Variants in TTC34 observed in about 807,000 individuals in gnomAD.
TTC34 encodes the protein tetratricopeptide repeat domain 34.
In TTC34, 44 loss-of-function variants were observed where a neutral mutation model predicts 40.7. The observed-to-expected ratio is 1.08, with a 90% CI of 0.85 to 1.39. The LOEUF (loss-of-function observed/expected upper bound fraction) is 1.39, where lower values mean the gene tolerates loss of function less well. TTC34 is among the 40% of genes most tolerant of loss of function. The pLI is 0.00. For synonymous variants in TTC34, 422 were observed against 398.6 expected, an observed-to-expected ratio of 1.06 and a Z score of -0.70; for missense variants, 884 against 838.0, an observed-to-expected ratio of 1.05 and a Z score of -0.68.
At chr1:2,660,746 C>G (rs1639520091) in intron 6 of TTC34, among the ~76,000 whole-genome samples, 1 of 126,280 alleles carries the variant, frequency 7.9e-6, no homozygotes, top group African/African-American at 3.2e-5. Context: ...GAGCAGCACC[C>G]CACACCCACA....
intron 6 of TTC34, among the ~76,000 whole-genome samples, chr1:2,676,958 G>C (rs61761452): frequency 8.6e-6 from 1 of 116,568 alleles, no homozygotes; most frequent in Non-Finnish European, 2.0e-5. Flanking sequence ...GCATGGAACA[G>C]CACCCTGCAC....
chr1:2,779,767 A>G (rs561803285), intron 6 of TTC34, among the ~76,000 whole-genome samples: 1 of 152,294 alleles, frequency 6.6e-6, no homozygotes, highest in South Asian at 2.1e-4. Context: ...TAAAAACTTC[A>G]TAGTAGCCAT....
At chr1:2,753,327 C>A (rs1421673282) in intron 6 of TTC34, among the ~76,000 whole-genome samples, 1 of 108,350 alleles carries the variant, frequency 9.2e-6, no homozygotes, top group African/African-American at 4.6e-5. Flanking sequence ...CCTGGAGCAT[C>A]ACCCACACCC....
chr1:2,750,141 A>G (rs1641267333), intron 6 of TTC34, among the ~76,000 whole-genome samples: 2 of 149,636 alleles, frequency 1.3e-5, no homozygotes, highest in Admixed American at 6.6e-5. Context: ...TGAGCATCCG[A>G]CAGCGTGGAG....
intron 6 of TTC34, among the ~76,000 whole-genome samples, chr1:2,756,135 A>G (rs1378970183): frequency 1.7e-5 from 1 of 58,014 alleles, no homozygotes; most frequent in Non-Finnish European, 2.8e-5. Flanking sequence ...AGCATGGAAC[A>G]GCACCCATAC....
At chr1:2,751,394 G>C (rs1641314265) in intron 6 of TTC34, among the ~76,000 whole-genome samples, 1 of 147,116 alleles carries the variant, frequency 6.8e-6, no homozygotes, top group Non-Finnish European at 1.5e-5. Flanking sequence ...ATGGTCTGGA[G>C]CAGCACCCAC....
At chr1:2,787,248 G>T (rs558233109) in intron 4 of TTC34, among the ~76,000 whole-genome samples, 2 of 152,314 alleles carry the variant, frequency 1.3e-5, no homozygotes, top group Non-Finnish European at 2.9e-5. Context: ...TGCCGGCCCC[G>T]GGGACCTGCC....
At chr1:2,682,101 C>A (rs1570801172) in intron 6 of TTC34, among the ~76,000 whole-genome samples, 1 of 145,878 alleles carries the variant, frequency 6.9e-6, no homozygotes, top group Non-Finnish European at 1.5e-5. Flanking sequence ...GGAGCAGCAC[C>A]CACACCCCCA....
At position 2,783,595 on chromosome 1, in the gene TTC34, G is replaced by A. The variant is rs1210192718; in HGVS notation, c.2226+14C>T. On this transcript the variant is annotated intron_variant, in intron 6 of 8. Coordinates refer to ENST00000401095, the Ensembl canonical transcript of TTC34. ...CCGTGCTTGCCCAGGCCCAGGTCAGGAGTGGGGCGGCACCTGCAGCTGGTC... is the reference window on the plus strand; with the variant it reads ...CCGTGCTTGCCCAGGCCCAGGTCAGAAGTGGGGCGGCACCTGCAGCTGGTC... 2 of 1,399,960 alleles carry A rather than the reference G, an allele frequency of 1.4e-6. No homozygotes were observed. The highest frequency in any genetic ancestry group is 2.6e-5 in the Admixed American group (1 of 38,640). The allele number at this position is 1,399,960 out of a possible 1,614,324, so 86.7% of individuals were successfully genotyped here. A position where few individuals can be genotyped will look rare whatever the true frequency, so the allele number is the denominator to read the frequency against.
chr1:2,692,375 C>T (rs865958521), intron 6 of TTC34, among the ~76,000 whole-genome samples: 2 of 63,352 alleles, frequency 3.2e-5, no homozygotes, highest in South Asian at 4.9e-4. Flanking sequence ...CCTGGAGCAG[C>T]GTCCACACCC....
chr1:2,752,684 C>T (rs1262744086), intron 6 of TTC34, among the ~76,000 whole-genome samples: 2 of 139,792 alleles, frequency 1.4e-5, no homozygotes, highest in Admixed American at 1.4e-4. Flanking sequence ...CCTGCAACAG[C>T]ACCCATACGC....
intron 6 of TTC34, among the ~76,000 whole-genome samples, chr1:2,684,407 C>T (rs1179803611): frequency 6.6e-6 from 1 of 151,448 alleles, no homozygotes; most frequent in African/African-American, 2.4e-5. Context: ...CCCAGGTGAG[C>T]ATCTGACAGA....
chr1:2,750,894 C>A (rs1398565221), intron 6 of TTC34, among the ~76,000 whole-genome samples: 2 of 54,276 alleles, frequency 3.7e-5, no homozygotes, highest in Non-Finnish European at 6.4e-5. Flanking sequence ...AACCCCCAGG[C>A]GAGCATCTGA....
intron 6 of TTC34, among the ~76,000 whole-genome samples, chr1:2,680,651 A>T (rs1640031893): frequency 4.8e-5 from 6 of 124,790 alleles, no homozygotes; most frequent in South Asian, 2.8e-4. Context: ...AGCCTGGAGC[A>T]GCACCCACAC....
At chr1:2,775,397 G>T (rs1295469068) in intron 6 of TTC34, 2 of 149,226 alleles carry the variant, frequency 1.3e-5, no homozygotes, top group African/African-American at 2.6e-5. Flanking sequence ...TGCACCCCCA[G>T]TTGAGCATCT....
intron 6 of TTC34, among the ~76,000 whole-genome samples, chr1:2,778,150 C>G (rs1434172557): frequency 6.6e-6 from 1 of 152,254 alleles, no homozygotes; most frequent in Non-Finnish European, 1.5e-5. Flanking sequence ...CAGCAGCAAG[C>G]ATGGCCTCTG....
At position 2,688,472 on chromosome 1, in the gene TTC34, G is replaced by A. The variant is rs796517690; in HGVS notation, c.2227-42909C>T. Among the ~76,000 whole-genome samples, 6 of 38,310 alleles carry A rather than the reference G, an allele frequency of 1.6e-4. No homozygotes were observed. The South Asian group carries it at 2.7e-3, about 17-fold the overall frequency. 25.1% of individuals were successfully genotyped at this position (38,310 alleles called of 152,430 possible). On this transcript the variant is annotated intron_variant, in intron 6 of 8. Transcript: ENST00000401095. ...CACCCCTAGGTGAACATCCGACATT[G>A]TGGAGCAGCACCCCACACCCACAGG...
At chr1:2,650,007 G>A (rs1382505121) in intron 6 of TTC34, among the ~76,000 whole-genome samples, 5 of 132,540 alleles carry the variant, frequency 3.8e-5, no homozygotes, top group East Asian at 2.4e-4. Context: ...ATGGCACTCT[G>A]CATCCCCAGG....
chr1:2,771,821 A>ACCACATGGAATGT, intron 6 of TTC34, among the ~76,000 whole-genome samples: 1 of 97,210 alleles, frequency 1.0e-5, no homozygotes, highest in Admixed American at 9.1e-5. Flanking sequence ...TGAGCATCTG[A>ACCACATGGAATGT]CAGCCTGGAG....
Sources: allele counts gnomAD v4.1 joint callset (sites outside exome capture counted in the v4.1 genomes callset), GRCh38; gene constraint gnomAD v4.1.1; transcripts MANE v1.5; gene names NCBI Gene and HGNC (gene_info 2026-07-23, HGNC 2026-07-21).